COG5: variants seen among roughly 807,000 people sequenced by gnomAD.
The protein encoded by COG5 is component of oligomeric golgi complex 5, also known as conserved oligomeric Golgi complex subunit 5.
A neutral mutation model predicts 110.4 loss-of-function variants in COG5; 86 were observed. The ratio of observed to expected loss-of-function variants is 0.78; its 90% CI spans 0.65 to 0.93. The LOEUF (loss-of-function observed/expected upper bound fraction) is 0.93. Ranked by LOEUF, COG5 falls within the 40% of genes least tolerant of loss-of-function variation. COG5 has a pLI of 0.00. For synonymous variants in COG5, 360 were observed against 334.6 expected, an observed-to-expected ratio of 1.08 and a Z score of -0.83; for missense variants, 1,077 against 987.0, an observed-to-expected ratio of 1.09 and a Z score of -1.22.
chr7:107,545,470 G>A (rs2129171120), intron 5 of COG5, among the ~76,000 whole-genome samples: 1 of 152,242 alleles, frequency 6.6e-6, no homozygotes, highest in Non-Finnish European at 1.5e-5. Flanking sequence ...AGACAGGGAT[G>A]ATCTATTCAA....
At chr7:107,553,664 T>TAAAAG (rs1183244966) in intron 3 of COG5, among the ~76,000 whole-genome samples, 1 of 152,122 alleles carries the variant, frequency 6.6e-6, no homozygotes, top group Non-Finnish European at 1.5e-5. Flanking sequence ...GAAAAATTCA[T>TAAAAG]AAAAGATTTA....
intron 16 of COG5, among the ~76,000 whole-genome samples, chr7:107,255,178 C>T (rs139562962): frequency 0.012 from 1,754 of 152,194 alleles, 16 homozygotes; most frequent in Non-Finnish European, 0.017. Context: ...TATCCATTCC[C>T]GGTCTGGAAC....
intron 7 of COG5, among the ~76,000 whole-genome samples, chr7:107,394,248 C>A (rs1178383993): frequency 6.6e-6 from 1 of 151,240 alleles, no homozygotes; most frequent in Non-Finnish European, 1.5e-5. Flanking sequence ...CAGGCGTGAG[C>A]CACCATGCCT....
chr7:107,437,310 T>G (rs1192431835), intron 6 of COG5, among the ~76,000 whole-genome samples: 1 of 152,212 alleles, frequency 6.6e-6, no homozygotes, highest in Admixed American at 6.5e-5. Context: ...CAGTGCATTC[T>G]GCTTGGTATT....
rs1368915110 is a variant in COG5 at position 107,469,090 on chromosome 7, CATTATTTTCATTTTGAA to C, written c.539-56475_539-56459del. The stretch of plus-strand genomic sequence containing the variant: ...AATTTTAAATATTCAGTACTTGTAC[CATTATTTTCATTTTGAA>C]AATGTATCTATCTTATAATGATTTG... On this transcript the variant is annotated intron_variant, in intron 6 of 21. Transcript: ENST00000297135. 7.6e-5 allele frequency among the ~76,000 whole-genome samples: 11 copies of C among 145,478 alleles called. No homozygotes were observed. In the Middle Eastern group the frequency reaches 0.011, roughly 148 times the overall value.
chr7:107,245,813 T>C (rs957728607), intron 17 of COG5, among the ~76,000 whole-genome samples: 8 of 152,172 alleles, frequency 5.3e-5, no homozygotes, highest in African/African-American at 1.9e-4. Context: ...GATTCAATGC[T>C]ATTCCTATCA....
chr7:107,356,266 A>G (rs1399771810), intron 10 of COG5, among the ~76,000 whole-genome samples: 1 of 150,616 alleles, frequency 6.6e-6, no homozygotes, highest in African/African-American at 2.5e-5. Context: ...TTTGAAAACA[A>G]AGAAATCTGG....
intron 6 of COG5, among the ~76,000 whole-genome samples, chr7:107,432,662 T>C (rs1335989986): frequency 6.6e-6 from 1 of 152,140 alleles, no homozygotes; most frequent in South Asian, 2.1e-4. Flanking sequence ...ACTTAAAAAA[T>C]TCTAACTAGG....
At chr7:107,396,321 T>A (rs1253925544) in intron 7 of COG5, among the ~76,000 whole-genome samples, 2 of 152,188 alleles carry the variant, frequency 1.3e-5, no homozygotes, top group East Asian at 3.8e-4. Flanking sequence ...TAATGCTTGA[T>A]GTGTACTTCT....
At chr7:107,259,947 T>C (rs995476789) in intron 14 of COG5, among the ~76,000 whole-genome samples, 3 of 151,944 alleles carry the variant, frequency 2.0e-5, no homozygotes, top group African/African-American at 7.2e-5. Flanking sequence ...GGCTAGGATG[T>C]AGAAAAACTG....
intron 6 of COG5, among the ~76,000 whole-genome samples, chr7:107,469,858 C>T (rs889531297): frequency 6.6e-6 from 1 of 151,934 alleles, no homozygotes; most frequent in Admixed American, 6.6e-5. Context: ...TACTAATTTA[C>T]ACATATTCTA....
intron 6 of COG5, among the ~76,000 whole-genome samples, chr7:107,436,497 T>C (rs930919218): frequency 2.0e-5 from 3 of 152,084 alleles, no homozygotes; most frequent in African/African-American, 7.2e-5. Flanking sequence ...TTCAGGTTGG[T>C]ACAGATAAAA....
At chr7:107,311,025 AT>A (rs1384586703) in intron 11 of COG5, among the ~76,000 whole-genome samples, 1 of 152,212 alleles carries the variant, frequency 6.6e-6, no homozygotes, top group African/African-American at 2.4e-5. Context: ...AATAATGAAC[AT>A]TTGGGTTGTG....
At chr7:107,478,602 G>A (rs12534124) in intron 6 of COG5, among the ~76,000 whole-genome samples, 22,628 of 151,862 alleles carry the variant, frequency 0.15, 2,116 homozygotes, top group Non-Finnish European at 0.2. Flanking sequence ...ATAGCCTACT[G>A]TGCCTAATAT....
intron 6 of COG5, among the ~76,000 whole-genome samples, chr7:107,493,787 T>C (rs1191197752): frequency 6.6e-6 from 1 of 152,162 alleles, no homozygotes; most frequent in Non-Finnish European, 1.5e-5. Flanking sequence ...ATATTAAATA[T>C]ATTCAAAGAC....
chr7:107,217,467 T>A (rs1392444552), intron 19 of COG5, among the ~76,000 whole-genome samples: 1 of 152,076 alleles, frequency 6.6e-6, no homozygotes, highest in East Asian at 1.9e-4. Context: ...TGAACATAGA[T>A]ATGAAGATAC....
chr7:107,215,075 T>C (rs994142372), intron 19 of COG5, among the ~76,000 whole-genome samples: 1 of 152,106 alleles, frequency 6.6e-6, no homozygotes, highest in Non-Finnish European at 1.5e-5. Flanking sequence ...TTCAGTGTTA[T>C]CAGCTTGAAA....
At chr7:107,229,845 GTTTTTTTTTTTT>G (rs1800642357) in intron 19 of COG5, among the ~76,000 whole-genome samples, 1 of 122,102 alleles carries the variant, frequency 8.2e-6, no homozygotes, top group Non-Finnish European at 1.8e-5. Flanking sequence ...TTTGGTTTTT[GTTTTTTTTTTTT>G]GTTTTTTTTT....
Position 107,203,204 on chromosome 7 carries a change from AC to A in COG5, c.*311del. On this transcript the variant is annotated 3_prime_UTR_variant, in exon 22 of 22. Coordinates refer to ENST00000297135, the MANE Select transcript of COG5 (RefSeq NM_006348.5). ...TCATATCCCTTTAAAAGAAGTGGGG[AC>A]TTTGGGTTTATGTACCCATAGGAGG... is the stretch of plus-strand genomic sequence containing the variant. 1 of 386,604 alleles carries A rather than the reference AC, an allele frequency of 2.6e-6. No individual in the cohort carries two copies. 23.9% of individuals were successfully genotyped at this position (386,604 alleles called of 1,614,324 possible). A position where few individuals can be genotyped will look rare whatever the true frequency, so the allele number is the denominator to read the frequency against.
Sources: allele counts gnomAD v4.1 joint callset (sites outside exome capture counted in the v4.1 genomes callset), GRCh38; gene constraint gnomAD v4.1.1; transcripts MANE v1.5; gene names NCBI Gene and HGNC (gene_info 2026-07-23, HGNC 2026-07-21).